The following HLA-DRB1 variants were observed in gnomAD, a reference collection of about 807,000 sequenced individuals.
The protein encoded by HLA-DRB1 is major histocompatibility complex, class II, DR beta 1.
A neutral mutation model predicts 27.9 loss-of-function variants in HLA-DRB1; 10 were observed. That is an observed-to-expected ratio of 0.36 (90% CI 0.22 to 0.61). The LOEUF is 0.61. Ranked by LOEUF, HLA-DRB1 falls within the 20% of genes least tolerant of loss-of-function variation. The probability of loss-of-function intolerance (pLI) is 0.73; values close to 1 mark genes in which losing one functional copy is unlikely to be tolerated. For synonymous variants in HLA-DRB1, 57 were observed against 126.7 expected, an observed-to-expected ratio of 0.45 and a Z score of 3.69; for missense variants, 118 against 306.3, an observed-to-expected ratio of 0.39 and a Z score of 4.59.
intron 1 of HLA-DRB1, among the ~76,000 whole-genome samples, chr6:32,586,401 T>C (rs9270077): frequency 0.46 from 30,711 of 67,300 alleles, 10,644 homozygotes; most frequent in East Asian, 0.57. Flanking sequence ...TTCTCTATCA[T>C]ATTCTCACTT....
intron 1 of HLA-DRB1, 138 bp downstream of exon 1, chr6:32,589,505 T>A (rs1201076934): frequency 0.014 from 5,507 of 382,062 alleles, 234 homozygotes; most frequent in African/African-American, 0.077. Context: ...GGAAATAATT[T>A]GGGATCCAAT....
chr6:32,587,791 T>A (rs1037849441), intron 1 of HLA-DRB1, among the ~76,000 whole-genome samples: 4,044 of 96,744 alleles, frequency 0.042, 291 homozygotes, highest in East Asian at 0.058. Context: ...ATCTTCTTTG[T>A]TAAATGCTTA....
chr6:32,579,369 G>A lies in HLA-DRB1; in HGVS notation c.788-265C>T, dbSNP rs796795709. ...TTATCACCTCTACCATCATTCTGGT[G>A]TGTCCTGAGTTTGTTCCTTCCGGTG... On this transcript the variant is annotated intron_variant, in intron 5 of 5. Coordinates refer to ENST00000360004, the Ensembl canonical transcript of HLA-DRB1. Among the ~76,000 whole-genome samples, 365 of 80,358 alleles carry A rather than the reference G, an allele frequency of 4.5e-3. 24 individuals carry two copies. Among genetic ancestry groups the A allele is most frequent in the South Asian group, 0.019 (43 of 2,298 alleles). The allele number at this position is 80,358 out of a possible 152,430, so 52.7% of individuals were successfully genotyped here.
In HLA-DRB1 at chr6:32,587,248, G is replaced by A. The variant is rs34947424; in HGVS notation, c.100+2395C>T. On this transcript the variant is annotated intron_variant, in intron 1 of 5. Coordinates refer to ENST00000360004, the Ensembl canonical transcript of HLA-DRB1. ...ATACAAAAAATTAGCCAGGTGTGGTGGCATGCGCCTGTGGCCCCAGCTAAT... is the reference window on the plus strand; with the variant it reads ...ATACAAAAAATTAGCCAGGTGTGGTAGCATGCGCCTGTGGCCCCAGCTAAT... Among the ~76,000 whole-genome samples, 3 of 54,636 alleles carry A rather than the reference G, an allele frequency of 5.5e-5. 1 individual carries two copies. Among genetic ancestry groups the A allele is most frequent in the African/African-American group, 2.2e-4 (3 of 13,362 alleles). 35.8% of individuals were successfully genotyped at this position (54,636 alleles called of 152,430 possible).
intron 1 of HLA-DRB1, among the ~76,000 whole-genome samples, chr6:32,586,844 G>C (rs9270102): frequency 0.57 from 38,869 of 67,724 alleles, 13,526 homozygotes; most frequent in Middle Eastern, 0.76. Flanking sequence ...TTTGTCAAAA[G>C]AAAATCCTTA....
chr6:32,589,475 AC>A (rs1469760296), intron 1 of HLA-DRB1, among the ~76,000 whole-genome samples, 167 bp downstream of exon 1: 20,412 of 99,126 alleles, frequency 0.21, 2,886 homozygotes, highest in East Asian at 0.28. Flanking sequence ...GAGGGCAAGT[AC>A]CCAAGCTCCT....
rs28366217 is a variant in HLA-DRB1, at chr6:32,589,551, A to C, written c.100+92T>G. 3,170 of 392,578 alleles carry C rather than the reference A, an allele frequency of 8.1e-3. 49 individuals are homozygous for C. The highest frequency in any genetic ancestry group is 0.025 in the East Asian group (410 of 16,268). 24.3% of individuals were successfully genotyped at this position (392,578 alleles called of 1,614,324 possible). On this transcript the variant is annotated intron_variant, in intron 1 of 5. Coordinates refer to ENST00000360004, the Ensembl canonical transcript of HLA-DRB1. ...GGCAATCTCTGAAGAAAACGTCACA[A>C]TTTCTTAAGGGACATGGCCTGGGCA...
At chr6:32,584,213 T>G (rs1059586) in exon 2 of HLA-DRB1, 28,071 of 1,326,294 alleles carry the variant, frequency 0.021, 2,239 homozygotes, top group East Asian at 0.084. Context: ...GCTGTTCCAG[T>G]ACTCAGCGTC....
intron 5 of HLA-DRB1, among the ~76,000 whole-genome samples, chr6:32,579,359 T>C (rs113132500): frequency 0.023 from 1,928 of 84,972 alleles, 99 homozygotes; most frequent in East Asian, 0.078. Flanking sequence ...ACCTCTACCA[T>C]CATTCTGGTG....
chr6:32,583,676 G>T (rs9269915), intron 2 of HLA-DRB1, among the ~76,000 whole-genome samples: 21,199 of 46,032 alleles, frequency 0.46, 9,041 homozygotes, highest in Admixed American at 0.5. Context: ...TCCCAAACCT[G>T]CCTTACCCCT....
Position 32,587,713 on chromosome 6 carries a change from T to G in HLA-DRB1, c.100+1930A>C, listed in dbSNP as rs1227384752. On this transcript the variant is annotated intron_variant, in intron 1 of 5. Coordinates refer to ENST00000360004, the Ensembl canonical transcript of HLA-DRB1. ...TCCCTAACATATGAACTAAAGTAGG[T>G]GAATCCATGTCTCTCTTTTTCACAA... 2.3e-5 allele frequency among the ~76,000 whole-genome samples: 2 copies of G among 87,122 alleles called. 1 individual carries two copies. The highest frequency in any genetic ancestry group is 2.2e-4 in the Admixed American group (2 of 9,062). 57.2% of individuals were successfully genotyped at this position (87,122 alleles called of 152,430 possible).
intron 1 of HLA-DRB1, among the ~76,000 whole-genome samples, 181 bp from the exon 2 acceptor site, chr6:32,584,559 C>T (rs28724123): frequency 0.2 from 26,200 of 130,010 alleles, 2,959 homozygotes; most frequent in Admixed American, 0.25. Flanking sequence ...CGAACGGGGG[C>T]CTGGGGGACC....
chr6:32,580,966 C>T (rs35762874), intron 3 of HLA-DRB1, 110 bp from the exon 4 acceptor site: 75,049 of 692,282 alleles, frequency 0.11, 11,697 homozygotes, highest in Admixed American at 0.12. Context: ...CTCACAAGAA[C>T]TAAAATAACT....
intron 1 of HLA-DRB1, among the ~76,000 whole-genome samples, chr6:32,584,677 G>A (rs1435174259): frequency 8.4e-6 from 1 of 118,498 alleles, no homozygotes; most frequent in African/African-American, 3.2e-5. Context: ...GCCCAGCACC[G>A]CAGCCCGCGC....
intron 4 of HLA-DRB1, among the ~76,000 whole-genome samples, chr6:32,580,504 G>A (rs28732260): frequency 0.099 from 11,177 of 113,350 alleles, 975 homozygotes; most frequent in East Asian, 0.11. Flanking sequence ...TTTGCTCCAG[G>A]ATCTCAAACC....
At chr6:32,586,055 G>C (rs73729320) in intron 1 of HLA-DRB1, among the ~76,000 whole-genome samples, 23,047 of 86,448 alleles carry the variant, frequency 0.27, 503 homozygotes, top group Middle Eastern at 0.33. Context: ...AATATTGGCT[G>C]TGTGAAATAC....
At chr6:32,589,678 A>T (rs750329958) in exon 1 of HLA-DRB1, 2 of 1,239,428 alleles carry the variant, frequency 1.6e-6, no homozygotes, top group South Asian at 3.1e-5. Context: ...TGGGGAGCTC[A>T]GCACCATCAG....
chr6:32,581,215 A>G (rs879296636), intron 3 of HLA-DRB1, among the ~76,000 whole-genome samples: 5,718 of 67,758 alleles, frequency 0.084, 876 homozygotes, highest in East Asian at 0.18. Flanking sequence ...TCCTCTTCCC[A>G]GATCACAAAA....
At chr6:32,580,991 A>G (rs35355068) in intron 3 of HLA-DRB1, 135 bp from the exon 4 acceptor site, 13,048 of 492,496 alleles carry the variant, frequency 0.026, 270 homozygotes, top group East Asian at 0.037. Flanking sequence ...ATTTCAGGAG[A>G]AAAAAAGGAT....
Sources: allele counts gnomAD v4.1 joint callset (sites outside exome capture counted in the v4.1 genomes callset), GRCh38; gene constraint gnomAD v4.1.1; transcripts MANE v1.5; gene names NCBI Gene and HGNC (gene_info 2026-07-23, HGNC 2026-07-21).